CNTNAP5: variants seen among roughly 807,000 people sequenced by gnomAD.
The protein encoded by CNTNAP5 is contactin-associated protein-like 5.
Under a neutral mutation model 150.2 loss-of-function variants are expected in CNTNAP5, and 72 were observed. The observed-to-expected ratio is 0.48, with a 90% CI of 0.40 to 0.58. The LOEUF is 0.58. CNTNAP5 is among the 20% of genes least tolerant of loss of function. The pLI is 0.00. For synonymous variants in CNTNAP5, 672 were observed against 619.8 expected (o/e 1.08, Z -1.25); for missense variants, 1,636 against 1,626.2 (o/e 1.01, Z -0.10).
intron 13 of CNTNAP5, among the ~76,000 whole-genome samples, chr2:124,708,264 C>A (rs1397425782): frequency 6.6e-6 from 1 of 152,088 alleles, no homozygotes; most frequent in Non-Finnish European, 1.5e-5. Flanking sequence ...AATGAAGGCA[C>A]CTGGATGCTA....
At chr2:124,137,974 G>T in intron 1 of CNTNAP5, among the ~76,000 whole-genome samples, 1 of 152,146 alleles carries the variant, frequency 6.6e-6, no homozygotes, top group East Asian at 1.9e-4. Context: ...ACTCAATTTT[G>T]TGGGATTTCG....
intron 19 of CNTNAP5, among the ~76,000 whole-genome samples, chr2:124,833,918 A>G (rs2104684375): frequency 6.6e-6 from 1 of 152,312 alleles, no homozygotes; most frequent in South Asian, 2.1e-4. Flanking sequence ...CCTCTTTCTG[A>G]GGAGCTGCAC....
intron 12 of CNTNAP5, among the ~76,000 whole-genome samples, chr2:124,620,320 A>T (rs1207705104): frequency 6.6e-6 from 1 of 152,030 alleles, no homozygotes; most frequent in African/African-American, 2.4e-5. Context: ...ACAGTTTGGG[A>T]TGTTGGAAAC....
chr2:124,824,883 T>C (rs1682560986), intron 19 of CNTNAP5, among the ~76,000 whole-genome samples: 1 of 152,246 alleles, frequency 6.6e-6, no homozygotes, highest in South Asian at 2.1e-4. Context: ...CAATCCATCT[T>C]GTACTCCTGG....
intron 3 of CNTNAP5, among the ~76,000 whole-genome samples, chr2:124,329,005 G>A (rs917434034): frequency 3.9e-5 from 6 of 152,142 alleles, no homozygotes; most frequent in Non-Finnish European, 5.9e-5. Flanking sequence ...ATAGGACTTC[G>A]TAGGCAAGAA....
intron 13 of CNTNAP5, among the ~76,000 whole-genome samples, chr2:124,712,933 G>T (rs907218885): frequency 1.3e-5 from 2 of 151,956 alleles, no homozygotes; most frequent in African/African-American, 4.8e-5. Flanking sequence ...TTTATAAAGG[G>T]CACTGATCCC....
intron 13 of CNTNAP5, among the ~76,000 whole-genome samples, chr2:124,703,248 C>A (rs1679563781): frequency 1.4e-5 from 2 of 148,058 alleles, no homozygotes; most frequent in African/African-American, 2.4e-5. Context: ...CCCTTTCTTT[C>A]TTCTTCCTTC....
At chr2:124,155,145 C>T (rs996721502) in intron 1 of CNTNAP5, among the ~76,000 whole-genome samples, 2 of 144,200 alleles carry the variant, frequency 1.4e-5, no homozygotes, top group African/African-American at 5.2e-5. Context: ...TGAGCCAAAA[C>T]CTGCTTCTGT....
At chr2:124,713,225 TTCTTTCTTTCTTTCTTTC>T (rs1457909335) in intron 13 of CNTNAP5, among the ~76,000 whole-genome samples, 1,288 of 37,006 alleles carry the variant, frequency 0.035, 154 homozygotes, top group Middle Eastern at 0.095. Flanking sequence ...CTCTGTTTCT[TTCTTTCTTTCTTTCTTTC>T]TCTTTCTTTC....
Position 124,474,668 on chromosome 2 carries a change from C to T in CNTNAP5, c.919-71C>T, listed in dbSNP as rs536184274. ...TACAATTGAATCTACCAAAAACGCA[C>T]GTGTTTACTTTCCTTTCCTAATCTT... On this transcript the variant is annotated intron_variant, in intron 6 of 23. Transcript: ENST00000682447. 24 of 1,331,206 alleles carry T rather than the reference C, an allele frequency of 1.8e-5. No individual in the cohort carries two copies. In the East Asian group the frequency reaches 2.3e-4, roughly 13 times the overall value. The allele number at this position is 1,331,206 out of a possible 1,614,324, so 82.5% of individuals were successfully genotyped here. A position where few individuals can be genotyped will look rare whatever the true frequency, so the allele number is the denominator to read the frequency against.
intron 2 of CNTNAP5, among the ~76,000 whole-genome samples, chr2:124,228,319 T>C (rs1314338352): frequency 6.6e-6 from 1 of 152,172 alleles, no homozygotes; most frequent in Non-Finnish European, 1.5e-5. Flanking sequence ...CCTGCTCACA[T>C]TGGTGAGGGT....
chr2:124,571,958 A>G (rs1696173810), intron 11 of CNTNAP5, among the ~76,000 whole-genome samples: 1 of 152,218 alleles, frequency 6.6e-6, no homozygotes, highest in African/African-American at 2.4e-5. Flanking sequence ...TCAAAAAAAG[A>G]AAGAAAGAAA....
In CNTNAP5 at chr2:124,917,098, T is replaced by A. The variant is rs1420742128; in HGVS notation, c.*2810T>A. ...CATCTCGAAGGAGACTTTGAAAGCA[T>A]CTTAATCTCTCTTTAACCATTTTTT... On this transcript the variant is annotated 3_prime_UTR_variant, in exon 24 of 24. Transcript: ENST00000682447. Among the ~76,000 whole-genome samples, 1 of 152,038 alleles carries A rather than the reference T, an allele frequency of 6.6e-6. No homozygotes were observed. The highest frequency in any genetic ancestry group is 1.5e-5 in the Non-Finnish European group (1 of 67,976).
At chr2:124,823,307 G>C (rs762445088) in intron 19 of CNTNAP5, among the ~76,000 whole-genome samples, 4 of 152,096 alleles carry the variant, frequency 2.6e-5, no homozygotes, top group Non-Finnish European at 5.9e-5. Context: ...TTGATCTTTA[G>C]AGCCATTCAC....
At chr2:124,176,296 A>G (rs555395451) in intron 1 of CNTNAP5, among the ~76,000 whole-genome samples, 2 of 152,320 alleles carry the variant, frequency 1.3e-5, no homozygotes, top group African/African-American at 2.4e-5. Context: ...ATTAATTTCT[A>G]TGGATGAAAT....
At chr2:124,480,027 C>T (rs1693730092) in intron 7 of CNTNAP5, among the ~76,000 whole-genome samples, 1 of 152,190 alleles carries the variant, frequency 6.6e-6, no homozygotes, top group Non-Finnish European at 1.5e-5. Context: ...CTGAAGTTGA[C>T]ATATAAGCCA....
intron 6 of CNTNAP5, among the ~76,000 whole-genome samples, chr2:124,463,376 G>A (rs1357117460): frequency 6.6e-6 from 1 of 152,140 alleles, no homozygotes; most frequent in Non-Finnish European, 1.5e-5. Flanking sequence ...CTGTAGGCCT[G>A]GCATTGATCA....
chr2:124,653,759 G>A (rs573118882), intron 13 of CNTNAP5, among the ~76,000 whole-genome samples: 2 of 152,258 alleles, frequency 1.3e-5, no homozygotes, highest in South Asian at 4.1e-4. Context: ...AGATCAATTA[G>A]CAGAATTAAC....
At chr2:124,754,413 C>T (rs1049427809) in intron 14 of CNTNAP5, among the ~76,000 whole-genome samples, 1 of 152,084 alleles carries the variant, frequency 6.6e-6, no homozygotes, top group African/African-American at 2.4e-5. Flanking sequence ...TTTGCTCACT[C>T]GGTCCCTGAA....
Sources: gnomAD v4.1 joint callset for allele counts (sites outside exome capture counted in the v4.1 genomes callset) on GRCh38, gnomAD v4.1.1 for gene constraint, MANE v1.5 for transcripts, NCBI Gene and HGNC (gene_info 2026-07-23, HGNC 2026-07-21) for gene names.